The following SYCE1L variants were observed in gnomAD, a reference collection of about 807,000 sequenced individuals.
SYCE1L encodes synaptonemal complex central element protein 1 like.
SYCE1L carries 51 observed loss-of-function variants against 39.6 expected under a neutral mutation model. The ratio of observed to expected loss-of-function variants is 1.29; its 90% CI spans 1.03 to 1.63. The LOEUF (loss-of-function observed/expected upper bound fraction) is 1.63. Ranked by LOEUF, SYCE1L falls within the 40% of genes most tolerant of loss-of-function variation. The probability of loss-of-function intolerance (pLI) is 0.00; values close to 1 mark genes in which losing one functional copy is unlikely to be tolerated. For missense variants in SYCE1L, 426 were observed against 304.9 expected (o/e 1.40, Z -2.96); for synonymous variants, 147 against 122.4 (o/e 1.20, Z -1.33).
intron 7 of SYCE1L, among the ~76,000 whole-genome samples, chr16:77,211,493 A>G (rs2054822260): frequency 6.6e-6 from 1 of 151,984 alleles, no homozygotes; most frequent in African/African-American, 2.4e-5. Context: ...ACCTGCCCAG[A>G]CGGGTGCAGT....
rs1046168724 is a variant in SYCE1L at position 77,199,465 on chromosome 16, T to A, written c.14T>A (p.Leu5Gln). Reference sequence around the variant, plus strand: ...CCGCGTTGGAAAATGGCGGGGAAGCTGAAACCTCTGAATGTGGAGGCGCCA... The same window carrying A: ...CCGCGTTGGAAAATGGCGGGGAAGCAGAAACCTCTGAATGTGGAGGCGCCA... Reference protein sequence around the residue: MAGKLKPLNVEAPEA... With the variant: MAGKQKPLNVEAPEA... The change falls in exon 1 of 11, where the codon CTG becomes CAG. Residue 5 changes from leucine (L) to glutamine (Q), a missense_variant. Physicochemically the swap from Leu to Gln is moderately radical, Grantham distance 113. Transcript: ENST00000378644. The A allele has an allele frequency of 2.6e-6, 4 of 1,551,320 alleles. No individual in the cohort carries two copies. The African/African-American group carries it at 5.5e-5, about 21-fold the overall frequency.
intron 9 of SYCE1L, 60 bp downstream of exon 9, chr16:77,212,429 C>T (rs1301656740): frequency 3.9e-6 from 6 of 1,531,478 alleles, no homozygotes; most frequent in East Asian, 2.5e-5. Flanking sequence ...GGGAACCCGC[C>T]CAGGTCCCCC....
chr16:77,199,428 C>A lies in SYCE1L; in HGVS notation c.-24C>A. On this transcript the variant is annotated 5_prime_UTR_variant, in exon 1 of 11. Transcript: ENST00000378644. ...TTTTAACCAGTCATCAAGCGAGGCT[C>A]GCGCGCAGGCCCCGCGTTGGAAAAT... The A allele has an allele frequency of 6.4e-7, 1 of 1,550,968 alleles. No individual in the cohort carries two copies. Among genetic ancestry groups the A allele is most frequent in the Non-Finnish European group, 8.7e-7 (1 of 1,146,612 alleles).
intron 1 of SYCE1L, chr16:77,199,753 AAAC>A (rs1346570541): frequency 9.1e-6 from 4 of 441,134 alleles, no homozygotes; most frequent in Non-Finnish European, 1.6e-5. Flanking sequence ...TGTTGAAAGT[AAAC>A]AACATGTAGT....
Position 77,209,442 on chromosome 16 carries a change from C to G in SYCE1L, c.330C>G (p.His110Gln). The G allele has an allele frequency of 6.4e-7, 1 of 1,551,728 alleles. No homozygotes were observed. Among genetic ancestry groups the G allele is most frequent in the Non-Finnish European group, 8.7e-7 (1 of 1,146,986 alleles). Residue 110 changes from histidine (H) to glutamine (Q), a missense_variant, in exon 6 of 11, where the codon CAC becomes CAG. Transcript: ENST00000378644. ...AGGCACTGAGGATCCTCCAGATGCACTGCCAAGAGAAGGAAAGCGAGGCTC... is the reference window on the plus strand; with the variant it reads ...AGGCACTGAGGATCCTCCAGATGCAGTGCCAAGAGAAGGAAAGCGAGGCTC... ...KQEALRILQM[H>Q]CQEKESEAQR...
In SYCE1L at chr16:77,204,674, G is replaced by C. The variant is rs111382505; in HGVS notation, c.62-1767G>C. On this transcript the variant is annotated intron_variant, in intron 1 of 10. Transcript: ENST00000378644. Reference sequence around the variant, plus strand: ...ATGCAGCCACTAAAAAGAATAAAAAGATCACTGGTGTACATTGTCAAATGA... The same window carrying C: ...ATGCAGCCACTAAAAAGAATAAAAACATCACTGGTGTACATTGTCAAATGA... Among the ~76,000 whole-genome samples the C allele has an allele frequency of 6.7e-3, 1,025 of 152,270 alleles. 9 individuals carry two copies. The highest frequency in any genetic ancestry group is 0.023 in the African/African-American group (947 of 41,554).
chr16:77,209,197 T>G, intron 5 of SYCE1L, 53 bp downstream of exon 5: 1 of 1,538,538 alleles, frequency 6.5e-7, no homozygotes, highest in Non-Finnish European at 8.8e-7. Flanking sequence ...CCCACAAAAG[T>G]CTATGCTCCT....
At chr16:77,205,928 G>T (rs2054782897) in intron 1 of SYCE1L, among the ~76,000 whole-genome samples, 1 of 152,090 alleles carries the variant, frequency 6.6e-6, no homozygotes, top group Admixed American at 6.5e-5. Context: ...AAAATCCTTT[G>T]AGCTGGAGCT....
In SYCE1L at chr16:77,209,124, A is replaced by T; in HGVS notation, c.284A>T (p.Glu95Val). 6.4e-7 allele frequency: 1 copy of T among 1,551,638 alleles called. No individual in the cohort carries two copies. The highest frequency in any genetic ancestry group is 8.7e-7 in the Non-Finnish European group (1 of 1,146,976). ...AATGGAGAGAAAGTGCACCTAGAGG[A>T]GGTCTTGGGCAAAAAGCAAGGTATT... ...SLNGEKVHLE[E>V]VLGKKQEALR... The change falls in exon 5 of 11, where the codon GAG (glutamate) becomes GTG (valine). Residue 95 changes from glutamate to valine, a missense_variant. Transcript: ENST00000378644.
At chr16:77,206,382 C>G in intron 1 of SYCE1L, 59 bp from the exon 2 acceptor site, 1 of 1,482,200 alleles carries the variant, frequency 6.7e-7, no homozygotes, top group Non-Finnish European at 9.2e-7. Context: ...TTCCTGCCTC[C>G]CTTCTCTCTC....
intron 4 of SYCE1L, 144 bp from the exon 5 acceptor site, chr16:77,208,953 G>T: frequency 1.2e-6 from 1 of 844,174 alleles, no homozygotes; most frequent in Non-Finnish European, 1.9e-6. Flanking sequence ...GTCCTTCTGG[G>T]AGATGGTTGC....
intron 6 of SYCE1L, among the ~76,000 whole-genome samples, chr16:77,209,836 A>G (rs965412552): frequency 5.9e-5 from 9 of 152,020 alleles, no homozygotes; most frequent in African/African-American, 1.9e-4. Flanking sequence ...CCATCTAGCC[A>G]TTCACCTACT....
At chr16:77,203,846 C>T (rs980874772) in intron 1 of SYCE1L, among the ~76,000 whole-genome samples, 3 of 152,170 alleles carry the variant, frequency 2.0e-5, no homozygotes, top group East Asian at 1.9e-4. Flanking sequence ...CCACCCTCGT[C>T]GGCCTCCCAA....
At chr16:77,209,502 C>G (rs2142518740) in intron 6 of SYCE1L, 31 bp downstream of exon 6, 1 of 1,551,040 alleles carries the variant, frequency 6.4e-7, no homozygotes, top group East Asian at 2.4e-5. Context: ...TCTTCCCTAC[C>G]TCATTCCCCA....
At chr16:77,207,884 C>A (rs1166582888) in intron 2 of SYCE1L, among the ~76,000 whole-genome samples, 1 of 152,188 alleles carries the variant, frequency 6.6e-6, no homozygotes, top group Non-Finnish European at 1.5e-5. Context: ...CACAGAACTG[C>A]AGGACCTGCT....
In SYCE1L at chr16:77,212,299, A is replaced by T. The variant is rs2054829256; in HGVS notation, c.511A>T (p.Lys171Ter). 1 of 1,521,926 alleles carries T rather than the reference A, an allele frequency of 6.6e-7. No homozygotes were observed. The highest frequency in any genetic ancestry group is 1.4e-5 in the African/African-American group (1 of 71,380). 94.3% of individuals were successfully genotyped at this position (1,521,926 alleles called of 1,614,324 possible). Reference sequence around the variant, plus strand: ...ACCGACAGGGAGGCTGGTGCGCGCCAAGCTGCGGGAGGTGGAGCGGCGGCT... The same window carrying T: ...ACCGACAGGGAGGCTGGTGCGCGCCTAGCTGCGGGAGGTGGAGCGGCGGCT... Reference protein sequence around the residue: ...LLSERRLVRAKLREVERRLHS... With the variant: ...LLSERRLVRA Residue 171 changes from lysine to a stop codon, truncating the protein, a stop_gained, in exon 9 of 11, where the codon AAG becomes TAG. Transcript: ENST00000378644. LOFTEE classifies it high-confidence loss of function.
At chr16:77,202,723 C>T (rs1300677174) in intron 1 of SYCE1L, among the ~76,000 whole-genome samples, 1 of 152,076 alleles carries the variant, frequency 6.6e-6, no homozygotes, top group Non-Finnish European at 1.5e-5. Flanking sequence ...AGTTGAGACT[C>T]CTAATGAAGT....
intron 1 of SYCE1L, chr16:77,201,894 A>T (rs951123736): frequency 1.3e-5 from 2 of 152,184 alleles, no homozygotes; most frequent in Non-Finnish European, 2.9e-5. Context: ...ATTAGAGACA[A>T]GCCAGTTGGG....
chr16:77,205,040 A>G (rs1424719985), intron 1 of SYCE1L, among the ~76,000 whole-genome samples: 30 of 124,758 alleles, frequency 2.4e-4, no homozygotes, highest in Admixed American at 2.2e-3. Flanking sequence ...GCGAGACTCC[A>G]TCTCAAAAAA....
Sources: gnomAD v4.1 joint callset for allele counts (sites outside exome capture counted in the v4.1 genomes callset) on GRCh38, gnomAD v4.1.1 for gene constraint, MANE v1.5 for transcripts, NCBI Gene and HGNC (gene_info 2026-07-23, HGNC 2026-07-21) for gene names.